Variants in TGFBRAP1 observed in about 807,000 individuals in gnomAD.
TGFBRAP1 encodes the protein transforming growth factor-beta receptor-associated protein 1.
Under a neutral mutation model 83.2 loss-of-function variants are expected in TGFBRAP1, and 20 were observed. The observed-to-expected ratio is 0.24, with a 90% CI of 0.17 to 0.35. The LOEUF (loss-of-function observed/expected upper bound fraction) is 0.35, where lower values mean the gene tolerates loss of function less well. Among genes scored for constraint, TGFBRAP1 ranks in the 10% least tolerant of loss-of-function variants. TGFBRAP1 has a pLI of 1.00. For missense variants in TGFBRAP1, 950 were observed against 1,099.4 expected, an observed-to-expected ratio of 0.86 and a Z score of 1.92; for synonymous variants, 415 against 459.8, an observed-to-expected ratio of 0.90 and a Z score of 1.25.
chr2:105,261,560 T>G (rs549432610), downstream of TGFBRAP1, among the ~76,000 whole-genome samples: 1 of 152,242 alleles, frequency 6.6e-6, no homozygotes, highest in South Asian at 2.1e-4. Flanking sequence ...AAGACCAACC[T>G]GGCCAACATA....
intron 8 of TGFBRAP1, among the ~76,000 whole-genome samples, chr2:105,274,895 G>A (rs536972665): frequency 2.0e-4 from 31 of 152,358 alleles, no homozygotes; most frequent in East Asian, 5.8e-4. Context: ...AAGCGTATAC[G>A]TTTTTCACGA....
At chr2:105,262,915 C>T (rs745813646), downstream of TGFBRAP1, among the ~76,000 whole-genome samples, 14 of 152,198 alleles carry the variant, frequency 9.2e-5, no homozygotes, top group Non-Finnish European at 1.8e-4. Flanking sequence ...GTGAAAGGGC[C>T]TCTAGTCCAT....
In TGFBRAP1 at chr2:105,280,290, G is replaced by C. The variant is rs1461206120; in HGVS notation, c.1463+92C>G. 1.3e-5 allele frequency: 18 copies of C among 1,355,452 alleles called. No individual in the cohort carries two copies. In the Admixed American group the frequency reaches 3.9e-4, roughly 30 times the overall value. The allele number at this position is 1,355,452 out of a possible 1,614,324, so 84.0% of individuals were successfully genotyped here. On this transcript the variant is annotated intron_variant, in intron 6 of 11. Coordinates refer to ENST00000393359, the MANE Select transcript of TGFBRAP1 (RefSeq NM_004257.6). ...ACTTGGGAACATAAACATCACACTG[G>C]CTAAGTCACTTCACGAGGATCTCCC...
chr2:105,271,832 G>A (rs906658102), intron 10 of TGFBRAP1, among the ~76,000 whole-genome samples: 2 of 152,172 alleles, frequency 1.3e-5, no homozygotes, highest in African/African-American at 4.8e-5. Context: ...TTTACGACAA[G>A]CACAGAGCCT....
intron 2 of TGFBRAP1, among the ~76,000 whole-genome samples, chr2:105,307,286 A>G (rs1175986882): frequency 6.6e-6 from 1 of 152,132 alleles, no homozygotes; most frequent in Admixed American, 6.5e-5. Flanking sequence ...GCTCTCTGCT[A>G]TCTCTGAATT....
At chr2:105,298,919 A>G (rs1678185744) in intron 2 of TGFBRAP1, among the ~76,000 whole-genome samples, 1 of 152,242 alleles carries the variant, frequency 6.6e-6, no homozygotes, top group Non-Finnish European at 1.5e-5. Context: ...CCCAGAATGT[A>G]TATCTGATAT....
At chr2:105,326,050 T>C (rs1211103145) in intron 1 of TGFBRAP1, among the ~76,000 whole-genome samples, 1 of 152,144 alleles carries the variant, frequency 6.6e-6, no homozygotes, top group Non-Finnish European at 1.5e-5. Flanking sequence ...AAAAGACAGT[T>C]AAGGTCTAAT....
Position 105,267,028 on chromosome 2 carries a change from G to C in TGFBRAP1, c.*355C>G. On this transcript the variant is annotated 3_prime_UTR_variant, in exon 12 of 12. Transcript: ENST00000393359. ...CTAAAGGTTGGAGTGTGGGGGTGGT[G>C]GGGGATCCCCCACCTGGGTCTGGAC... is the stretch of plus-strand genomic sequence containing the variant. The C allele has an allele frequency of 4.9e-6, 1 of 202,106 alleles. No homozygotes were observed. Among genetic ancestry groups the C allele is most frequent in the Non-Finnish European group, 1.0e-5 (1 of 99,592 alleles). The allele number at this position is 202,106 out of a possible 1,614,324, so 12.5% of individuals were successfully genotyped here.
Position 105,280,833 on chromosome 2 carries a change from G to T in TGFBRAP1, c.1122-110C>A, listed in dbSNP as rs369876878. On this transcript the variant is annotated intron_variant, in intron 5 of 11. Coordinates refer to ENST00000393359, the MANE Select transcript of TGFBRAP1 (RefSeq NM_004257.6). ...CGGTGGCACACGTTCACAGGGGGCTGGGGAGCTGGGGACAGGGTAATCATG... is the reference window on the plus strand; with the variant it reads ...CGGTGGCACACGTTCACAGGGGGCTTGGGAGCTGGGGACAGGGTAATCATG... The T allele has an allele frequency of 5.5e-5, 64 of 1,174,244 alleles. No homozygotes were observed. In the East Asian group the frequency reaches 1.6e-3, roughly 29 times the overall value. 72.7% of individuals were successfully genotyped at this position (1,174,244 alleles called of 1,614,324 possible). A position where few individuals can be genotyped will look rare whatever the true frequency, so the allele number is the denominator to read the frequency against.
At chr2:105,305,767 T>C (rs1178593312) in intron 2 of TGFBRAP1, among the ~76,000 whole-genome samples, 1 of 152,024 alleles carries the variant, frequency 6.6e-6, no homozygotes, top group Non-Finnish European at 1.5e-5. Context: ...GTGATTCTCC[T>C]GCCTCAGCCT....
chr2:105,274,778 T>G (rs1677280389), intron 8 of TGFBRAP1, among the ~76,000 whole-genome samples: 1 of 152,174 alleles, frequency 6.6e-6, no homozygotes, highest in East Asian at 1.9e-4. Context: ...TGAGAATATA[T>G]TCCAACTCAG....
At position 105,267,512 on chromosome 2, in the gene TGFBRAP1, A is replaced by G; in HGVS notation, c.2454T>C (p.Cys818=). The G allele has an allele frequency of 1.2e-6, 2 of 1,614,252 alleles. No individual in the cohort carries two copies. The highest frequency in any genetic ancestry group is 1.7e-6 in the Non-Finnish European group (2 of 1,180,050). ...CACAAAAGGGATTTTGGCATATCTG[A>G]CAAAGCTTTTTGTCTGAGAGTTGGA... ...SSIQLSDKKL[C]QICQNPFCEP... Residue 818 remains cysteine (C), a synonymous_variant, in exon 12 of 12, where the codon TGT becomes TGC. Transcript: ENST00000393359.
chr2:105,325,457 T>C (rs1378857704), intron 1 of TGFBRAP1, among the ~76,000 whole-genome samples: 1 of 152,224 alleles, frequency 6.6e-6, no homozygotes, highest in Non-Finnish European at 1.5e-5. Flanking sequence ...ACCCTAGTTT[T>C]TGTTCGTGAC....
intron 4 of TGFBRAP1, among the ~76,000 whole-genome samples, chr2:105,292,642 G>C (rs1372010095): frequency 6.6e-6 from 1 of 152,032 alleles, no homozygotes; most frequent in East Asian, 1.9e-4. Flanking sequence ...AGAAAGGTGG[G>C]AGGGGGAGAG....
chr2:105,267,086 A>C lies in TGFBRAP1; in HGVS notation c.*297T>G. The C allele has an allele frequency of 3.8e-6, 1 of 266,428 alleles. No homozygotes were observed. Among genetic ancestry groups the C allele is most frequent in the South Asian group, 1.1e-4 (1 of 8,900 alleles). 16.5% of individuals were successfully genotyped at this position (266,428 alleles called of 1,614,324 possible). On this transcript the variant is annotated 3_prime_UTR_variant, in exon 12 of 12. Transcript: ENST00000393359. ...GGAAGACTCCCTTTTTTTTTTTTTC[A>C]AAGTAGACCTCTGTCTTGGATTACT... is the stretch of plus-strand genomic sequence containing the variant.
intron 4 of TGFBRAP1, among the ~76,000 whole-genome samples, chr2:105,284,941 T>G (rs1376639856): frequency 3.3e-5 from 5 of 152,238 alleles, no homozygotes; most frequent in Non-Finnish European, 7.3e-5. Context: ...CCAGTTTATC[T>G]TGTTTACTCC....
chr2:105,308,004 T>A lies in TGFBRAP1; in HGVS notation c.298A>T (p.Ser100Cys). The change falls in exon 2 of 12, where the codon AGC becomes TGC. Residue 100 changes from serine to cysteine, a missense_variant. By Grantham distance (112) the Ser-to-Cys change is moderately radical. Transcript: ENST00000393359. ...TCGAGGTTCAGCATGTTGACCAGGC[T>A]GATGGAGTTGTCACACAGCACCAGC... ...RLLVLCDNSI[S>C]LVNMLNLEPV... 1.2e-6 allele frequency: 2 copies of A among 1,614,204 alleles called. No individual in the cohort carries two copies. Among genetic ancestry groups the A allele is most frequent in the Non-Finnish European group, 1.7e-6 (2 of 1,180,046 alleles).
rs543392878 is a variant in TGFBRAP1, at chr2:105,316,322, T to G, written c.-17-8004A>C. On this transcript the variant is annotated intron_variant, in intron 1 of 11. Transcript: ENST00000393359. Reference sequence around the variant, plus strand: ...TTTATGTTCTGTGTATTTTACTGTATGCAAATTATGTTTTTTACAAAAAAA... The same window carrying G: ...TTTATGTTCTGTGTATTTTACTGTAGGCAAATTATGTTTTTTACAAAAAAA... 2.7e-5 allele frequency among the ~76,000 whole-genome samples: 4 copies of G among 148,938 alleles called. No homozygotes were observed. In the East Asian group the frequency reaches 7.9e-4, roughly 29 times the overall value.
At chr2:105,320,701 C>A (rs1378499606) in intron 1 of TGFBRAP1, among the ~76,000 whole-genome samples, 3 of 152,082 alleles carry the variant, frequency 2.0e-5, no homozygotes, top group Non-Finnish European at 4.4e-5. Context: ...CTTATTGTTC[C>A]ATAATATCAG....
Sources: gnomAD v4.1 joint callset for allele counts (sites outside exome capture counted in the v4.1 genomes callset) on GRCh38, gnomAD v4.1.1 for gene constraint, MANE v1.5 for transcripts, NCBI Gene and HGNC (gene_info 2026-07-23, HGNC 2026-07-21) for gene names.